The following AHNAK2 variants were observed in gnomAD, a reference collection of about 807,000 sequenced individuals.
The protein encoded by AHNAK2 is protein AHNAK2.
Under a neutral mutation model 30.7 loss-of-function variants are expected in AHNAK2, and 18 were observed. The observed-to-expected ratio is 0.59, with a 90% CI of 0.41 to 0.87. The LOEUF (loss-of-function observed/expected upper bound fraction) is 0.87. Ranked by LOEUF, AHNAK2 falls within the 40% of genes least tolerant of loss-of-function variation. The pLI is 0.00. For synonymous variants in AHNAK2, 3,590 were observed against 3,073.8 expected, an observed-to-expected ratio of 1.17 and a Z score of -5.56; for missense variants, 8,604 against 7,373.0, an observed-to-expected ratio of 1.17 and a Z score of -6.11.
Position 104,945,967 on chromosome 14 carries a change from T to G in AHNAK2, c.9484A>C (p.Ile3162Leu). The stretch of plus-strand genomic sequence containing the variant: ...GCAGACACATCCACCAAGACCTCAA[T>G]GGACTTGCCTGGGGCAGACACCCCG... ...SFGVSAPGKSIEVLVDVSAPK... is the reference protein window; with the variant it reads ...SFGVSAPGKSLEVLVDVSAPK... Residue 3162 changes from isoleucine to leucine, a missense_variant, in exon 7 of 7, where the codon ATT (isoleucine) becomes CTT (leucine). By Grantham distance (5) the Ile-to-Leu change is conservative. Transcript: ENST00000333244. 2.4e-6 allele frequency: 3 copies of G among 1,250,554 alleles called. No individual in the cohort carries two copies. Among genetic ancestry groups the G allele is most frequent in the East Asian group, 2.3e-5 (1 of 44,240 alleles). The allele number at this position is 1,250,554 out of a possible 1,614,324, so 77.5% of individuals were successfully genotyped here.
chr14:104,942,966 T>A lies in AHNAK2; in HGVS notation c.12485A>T (p.Lys4162Met). Residue 4162 changes from lysine to methionine, a missense_variant, in exon 7 of 7, where the codon AAG becomes ATG. Physicochemically the swap from Lys to Met is moderately conservative, Grantham distance 95 (BLOSUM62 -1). Coordinates refer to ENST00000333244, the MANE Select transcript of AHNAK2 (RefSeq NM_138420.4). ...MEASVDVSEL[K>M]AKADVSLPSM... ...GGGGAGGCTCACGTCGGCTTTCGCCTTCAGCTCAGACACATCCACGGACGC... is the reference window on the plus strand; with the variant it reads ...GGGGAGGCTCACGTCGGCTTTCGCCATCAGCTCAGACACATCCACGGACGC... The A allele has an allele frequency of 6.2e-7, 1 of 1,613,214 alleles. No homozygotes were observed.
chr14:104,969,462 C>T (rs1055032344), intron 1 of AHNAK2, among the ~76,000 whole-genome samples: 11 of 152,252 alleles, frequency 7.2e-5, no homozygotes, highest in Non-Finnish European at 1.3e-4. Flanking sequence ...TGGGCAAATT[C>T]ACAGACTGAG....
rs1179453297 is a variant in AHNAK2 at position 104,937,278 on chromosome 14, C to T, written c.*785G>A. ...TGGGATGCAGCACTTTCTTTATTGC[C>T]CATCCAGGGAACAGCCAAGCCAGCT... is the stretch of plus-strand genomic sequence containing the variant. On this transcript the variant is annotated 3_prime_UTR_variant, in exon 7 of 7. Coordinates refer to ENST00000333244, the MANE Select transcript of AHNAK2 (RefSeq NM_138420.4). The T allele has an allele frequency of 2.0e-5, 3 of 152,256 alleles. No homozygotes were observed. The highest frequency in any genetic ancestry group is 4.4e-5 in the Non-Finnish European group (3 of 68,076). 9.4% of individuals were successfully genotyped at this position (152,256 alleles called of 1,614,324 possible).
At chr14:104,971,624 C>G (rs902675360) in intron 1 of AHNAK2, among the ~76,000 whole-genome samples, 1 of 152,146 alleles carries the variant, frequency 6.6e-6, no homozygotes, top group Non-Finnish European at 1.5e-5. Flanking sequence ...ACACCTGAGT[C>G]CCATGACCCC....
chr14:104,964,620 T>C (rs1432310093), intron 1 of AHNAK2, among the ~76,000 whole-genome samples: 1 of 152,166 alleles, frequency 6.6e-6, no homozygotes, highest in African/African-American at 2.4e-5. Flanking sequence ...GAACAGTATA[T>C]GGTATAAACT....
At position 104,943,072 on chromosome 14, in the gene AHNAK2, T is replaced by C. The variant is rs770532143; in HGVS notation, c.12379A>G (p.Thr4127Ala). The C allele has an allele frequency of 6.2e-7, 1 of 1,612,548 alleles. No individual in the cohort carries two copies. The highest frequency in any genetic ancestry group is 1.7e-5 in the Admixed American group (1 of 59,924). ...GDLSLADKDVTAKDSKFKMPK... is the reference protein window; with the variant it reads ...GDLSLADKDVAAKDSKFKMPK... ...ATTTTGAACTTGCTGTCTTTGGCAG[T>C]CACATCCTTGTCGGCCAGGGACAGG... is the stretch of plus-strand genomic sequence containing the variant. The change falls in exon 7 of 7, where the codon ACT becomes GCT. Residue 4127 changes from threonine (T) to alanine (A), a missense_variant. Transcript: ENST00000333244.
At position 104,940,621 on chromosome 14, in the gene AHNAK2, C is replaced by T; in HGVS notation, c.14830G>A (p.Ala4944Thr). 6.2e-7 allele frequency: 1 copy of T among 1,613,706 alleles called. No homozygotes were observed. The highest frequency in any genetic ancestry group is 8.5e-7 in the Non-Finnish European group (1 of 1,179,892). The part of the protein sequence containing the change: ...VAPGEAPSED[A>T]DHEGKGSPLK... ...GGACTCCCTTTCCCTTCGTGGTCAGCATCTTCAGAAGGGGCTTCTCCAGGG... is the reference window on the plus strand; with the variant it reads ...GGACTCCCTTTCCCTTCGTGGTCAGTATCTTCAGAAGGGGCTTCTCCAGGG... Residue 4944 changes from alanine to threonine, a missense_variant, in exon 7 of 7, where the codon GCT becomes ACT. By Grantham distance (58) the Ala-to-Thr change is moderately conservative. Coordinates refer to ENST00000333244, the MANE Select transcript of AHNAK2 (RefSeq NM_138420.4). This position sits in a 1 kb window ranked among gnomAD's most constrained non-coding sequence, Gnocchi z 4.4.
rs1451930947 is a variant in AHNAK2, at chr14:104,950,764, C to G, written c.4687G>C (p.Glu1563Gln). The G allele has an allele frequency of 1.3e-6, 2 of 1,587,362 alleles. No homozygotes were observed. The highest frequency in any genetic ancestry group is 2.7e-5 in the African/African-American group (2 of 73,616). Residue 1563 changes from glutamate (E) to glutamine (Q), a missense_variant, in exon 7 of 7, where the codon GAG becomes CAG. Transcript: ENST00000333244. ...CCGGCTCCCTCGGACACAGGGCCCT[C>G]TGGGAGTTTCACGTCCACTTGGCCA... ...QAGQVDVKLP[E>Q]GPVSEGAGLK... is the part of the protein sequence containing the mutation.
rs757007690 is a variant in AHNAK2, at chr14:104,947,471, C to A, written c.7980G>T (p.Val2660=). 21 of 1,612,642 alleles carry A rather than the reference C, an allele frequency of 1.3e-5. No homozygotes were observed. Among genetic ancestry groups the A allele is most frequent in the Non-Finnish European group, 1.8e-5 (21 of 1,179,556 alleles). The change falls in exon 7 of 7, where the codon GTG becomes GTT. Residue 2660 remains valine (V), a synonymous_variant. Transcript: ENST00000333244. ...MPKFKMPSFR[V]SAPGESIEAL... is the part of the protein sequence containing the mutation. ...CCTCGATGGACTCGCCTGGGGCCGA[C>A]ACCCTGAATGATGGCATCTTGAACT...
At chr14:104,974,758 C>T (rs1899555312) in intron 1 of AHNAK2, among the ~76,000 whole-genome samples, 1 of 152,258 alleles carries the variant, frequency 6.6e-6, no homozygotes, top group Non-Finnish European at 1.5e-5. Context: ...CCACAACTCA[C>T]ACCATCCCTG....
chr14:104,947,905 C>T lies in AHNAK2; in HGVS notation c.7546G>A (p.Asp2516Asn), dbSNP rs755020096. The change falls in exon 7 of 7, where the codon GAC becomes AAC. Residue 2516 changes from aspartate to asparagine, a missense_variant. Coordinates refer to ENST00000333244, the MANE Select transcript of AHNAK2 (RefSeq NM_138420.4). ...CCCTGCATGGAGGAGAGGCTCCCGT[C>T]GGCCTCCACCTTCGGCGCAGACACA... ...VDVSAPKVEA[D>N]GSLSSMQGDL... The T allele has an allele frequency of 2.2e-5, 36 of 1,612,472 alleles. No individual in the cohort carries two copies. The highest frequency in any genetic ancestry group is 1.6e-4 in the Middle Eastern group (1 of 6,068).
rs918769957 is a variant in AHNAK2 at position 104,955,406 on chromosome 14, C to A, written c.466+77G>T. ...CCTAAGCTCCAGGTGTGGTTCTTACCCCTCAATACCCCCCTCCAGGTCCCT... is the reference window on the plus strand; with the variant it reads ...CCTAAGCTCCAGGTGTGGTTCTTACACCTCAATACCCCCCTCCAGGTCCCT... On this transcript the variant is annotated intron_variant, in intron 5 of 6. Coordinates refer to ENST00000333244, the MANE Select transcript of AHNAK2 (RefSeq NM_138420.4). 1.4e-5 allele frequency: 21 copies of A among 1,525,000 alleles called. No individual in the cohort carries two copies. In the African/African-American group the frequency reaches 2.1e-4, roughly 15 times the overall value. 94.5% of individuals were successfully genotyped at this position (1,525,000 alleles called of 1,614,324 possible).
chr14:104,960,248 C>G (rs1001358476), intron 1 of AHNAK2, among the ~76,000 whole-genome samples: 11 of 152,196 alleles, frequency 7.2e-5, no homozygotes, highest in Admixed American at 5.2e-4. Flanking sequence ...CAGTCAGCCT[C>G]TCATATCAGT....
chr14:104,940,266 T>A lies in AHNAK2; in HGVS notation c.15185A>T (p.Glu5062Val). 1 of 1,613,626 alleles carries A rather than the reference T, an allele frequency of 6.2e-7. No homozygotes were observed. Among genetic ancestry groups the A allele is most frequent in the South Asian group, 1.1e-5 (1 of 91,074 alleles). The change falls in exon 7 of 7, where the codon GAA becomes GTA. Residue 5062 changes from glutamate (E) to valine (V), a missense_variant. Physicochemically the swap from Glu to Val is moderately radical, Grantham distance 121 (BLOSUM62 -2). Transcript: ENST00000333244. This position sits in a 1 kb window ranked among gnomAD's most constrained non-coding sequence, Gnocchi z 4.4. ...CCTACCACCGTCACTGCTGGCCTTT[T>A]CTGTGTCTTGAAAGCTACCCCCTGC... ...ATAGGSFQDT[E>V]KASSDGGRGG...
chr14:104,951,153 A>T lies in AHNAK2; in HGVS notation c.4298T>A (p.Ile1433Asn). The part of the protein sequence containing the change: ...KVDLKGPEID[I>N]KGPKLDLKDP... ...TTTTAGGTCCAGCTTGGGGCCCTTG[A>T]TGTCTATTTCAGGGCCCTTGAGGTC... Residue 1433 changes from isoleucine (I) to asparagine (N), a missense_variant, in exon 7 of 7, where the codon ATC (isoleucine) becomes AAC (asparagine). By Grantham distance (149) the Ile-to-Asn change is moderately radical. Coordinates refer to ENST00000333244, the MANE Select transcript of AHNAK2 (RefSeq NM_138420.4). 9.4e-7 allele frequency: 1 copy of T among 1,067,948 alleles called. No homozygotes were observed. Among genetic ancestry groups the T allele is most frequent in the Non-Finnish European group, 1.4e-6 (1 of 737,742 alleles). 66.2% of individuals were successfully genotyped at this position (1,067,948 alleles called of 1,614,324 possible).
rs776426847 is a variant in AHNAK2 at position 104,943,074 on chromosome 14, A to G, written c.12377T>C (p.Val4126Ala). The change falls in exon 7 of 7, where the codon GTG becomes GCG. Residue 4126 changes from valine (V) to alanine (A), a missense_variant. By Grantham distance (64) the Val-to-Ala change is moderately conservative. Coordinates refer to ENST00000333244, the MANE Select transcript of AHNAK2 (RefSeq NM_138420.4). ...EGDLSLADKD[V>A]TAKDSKFKMP... ...TTTGAACTTGCTGTCTTTGGCAGTCACATCCTTGTCGGCCAGGGACAGGTC... is the reference window on the plus strand; with the variant it reads ...TTTGAACTTGCTGTCTTTGGCAGTCGCATCCTTGTCGGCCAGGGACAGGTC... 1 of 1,606,478 alleles carries G rather than the reference A, an allele frequency of 6.2e-7. No homozygotes were observed. Among genetic ancestry groups the G allele is most frequent in the South Asian group, 1.1e-5 (1 of 90,486 alleles).
intron 1 of AHNAK2, among the ~76,000 whole-genome samples, chr14:104,964,400 C>T (rs1334562935): frequency 6.6e-6 from 1 of 151,996 alleles, no homozygotes. Context: ...GGTCAGCTGG[C>T]GCAACCACTT....
Position 104,942,926 on chromosome 14 carries a change from G to T in AHNAK2, c.12525C>A (p.Asp4175Glu). The T allele has an allele frequency of 6.2e-7, 1 of 1,613,112 alleles. No homozygotes were observed. The highest frequency in any genetic ancestry group is 8.5e-7 in the Non-Finnish European group (1 of 1,179,572). ...GAATGCTGAGGTCAGTGGTCTTGAG[G>T]TCCCCCTGCATGGAGGGGAGGCTCA... is the stretch of plus-strand genomic sequence containing the variant. ...ADVSLPSMQG[D>E]LKTTDLSIQS... is the part of the protein sequence containing the mutation. The change falls in exon 7 of 7, where the codon GAC becomes GAA. Residue 4175 changes from aspartate to glutamate, a missense_variant. By Grantham distance (45) the Asp-to-Glu change is conservative. Coordinates refer to ENST00000333244, the MANE Select transcript of AHNAK2 (RefSeq NM_138420.4).
At position 104,946,864 on chromosome 14, in the gene AHNAK2, T is replaced by C. The variant is rs1345170929; in HGVS notation, c.8587A>G (p.Ile2863Val). Residue 2863 changes from isoleucine (I) to valine (V), a missense_variant, in exon 7 of 7, where the codon ATT (isoleucine) becomes GTT (valine). Coordinates refer to ENST00000333244, the MANE Select transcript of AHNAK2 (RefSeq NM_138420.4). ...TCCAGTTGGGCGGAGGGGGGCTGAA[T>C]GCGGATGTCAGTGGTCTTAAGATCC... ...QGDLKTTDIR[I>V]QPPSAQLEVQ... is the part of the protein sequence containing the mutation. 4 of 1,612,420 alleles carry C rather than the reference T, an allele frequency of 2.5e-6. No individual in the cohort carries two copies. Among genetic ancestry groups the C allele is most frequent in the East Asian group, 2.2e-5 (1 of 44,714 alleles).
Sources: allele counts gnomAD v4.1 joint callset (sites outside exome capture counted in the v4.1 genomes callset), GRCh38; gene constraint gnomAD v4.1.1; non-coding constraint Gnocchi (gnomAD v3.1); transcripts MANE v1.5; gene names NCBI Gene and HGNC (gene_info 2026-07-23, HGNC 2026-07-21).